Variants in AFF4 observed in about 807,000 individuals in gnomAD.
AFF4 encodes the protein AF4/FMR2 family member 4.
Under a neutral mutation model 124.8 loss-of-function variants are expected in AFF4, and 13 were observed. The ratio of observed to expected loss-of-function variants is 0.10; its 90% confidence interval spans 0.07 to 0.17. The LOEUF is 0.17. AFF4 is among the 10% of genes least tolerant of loss of function. The pLI is 1.00. For missense variants in AFF4, 1,092 were observed against 1,403.8 expected, an observed-to-expected ratio of 0.78 and a Z score of 3.55; for synonymous variants, 477 against 496.1, an observed-to-expected ratio of 0.96 and a Z score of 0.51.
At chr5:132,912,412 G>A (rs57550938) in intron 5 of AFF4, among the ~76,000 whole-genome samples, 17,310 of 152,110 alleles carry the variant, frequency 0.11, 1,258 homozygotes, top group South Asian at 0.19. Context: ...CCAGACTGGA[G>A]TGCAGTGGAG....
At chr5:132,927,382 T>TA (rs1761196075) in intron 4 of AFF4, 175 bp from the exon 5 acceptor site, 2 of 513,268 alleles carry the variant, frequency 3.9e-6, no homozygotes, top group Non-Finnish European at 6.8e-6. Flanking sequence ...GTGTAGGTAA[T>TA]AAGAAGATTA....
At chr5:132,888,767 G>A (rs1312177496) in intron 14 of AFF4, among the ~76,000 whole-genome samples, 1 of 151,310 alleles carries the variant, frequency 6.6e-6, no homozygotes, top group East Asian at 1.9e-4. Context: ...GCACAATCTC[G>A]GCTCACTGCA....
chr5:132,946,926 G>A lies in AFF4; in HGVS notation c.-4-9733C>T, dbSNP rs180776028. Among the ~76,000 whole-genome samples the A allele has an allele frequency of 5.3e-5, 8 of 152,156 alleles. No homozygotes were observed. The East Asian group carries it at 1.3e-3, about 26-fold the overall frequency. ...AACATTTTAGGTCAGGCGTGGTGGC[G>A]TGCTCCTGTAGTCCCAGCTACTTGG... On this transcript the variant is annotated intron_variant, in intron 1 of 20. Transcript: ENST00000265343.
intron 1 of AFF4, among the ~76,000 whole-genome samples, chr5:132,949,308 A>G (rs1214067763): frequency 2.0e-5 from 3 of 149,136 alleles, no homozygotes; most frequent in Non-Finnish European, 4.4e-5. Flanking sequence ...CAGCCTTCAG[A>G]GTAGCTGAGA....
At chr5:132,960,471 A>C (rs1762058024) in intron 1 of AFF4, among the ~76,000 whole-genome samples, 1 of 152,196 alleles carries the variant, frequency 6.6e-6, no homozygotes, top group Non-Finnish European at 1.5e-5. Flanking sequence ...CTCCATTCTA[A>C]ACCAGTGGAT....
At chr5:132,931,812 C>G (rs182292370) in intron 4 of AFF4, among the ~76,000 whole-genome samples, 1 of 151,944 alleles carries the variant, frequency 6.6e-6, no homozygotes, top group South Asian at 2.1e-4. Context: ...GGCATGATGG[C>G]GGGAGCCTGT....
intron 1 of AFF4, among the ~76,000 whole-genome samples, chr5:132,951,873 T>C (rs1260445925): frequency 6.6e-6 from 1 of 152,328 alleles, no homozygotes; most frequent in East Asian, 1.9e-4. Context: ...TATCTCTAAA[T>C]AAGAAACTGA....
chr5:132,929,074 T>G (rs906510323), intron 4 of AFF4, among the ~76,000 whole-genome samples: 4 of 152,148 alleles, frequency 2.6e-5, no homozygotes, highest in African/African-American at 9.7e-5. Context: ...AATATACATT[T>G]AGAGTGAATT....
chr5:132,911,161 A>G (rs1561491384), intron 5 of AFF4, among the ~76,000 whole-genome samples: 1 of 152,194 alleles, frequency 6.6e-6, no homozygotes, highest in Non-Finnish European at 1.5e-5. Context: ...CATTATAAAA[A>G]TAACAAAATA....
rs185290984 is a variant in AFF4 at position 132,889,314 on chromosome 5, T to C, written c.2638-141A>G. 4.6e-3 allele frequency: 2,663 copies of C among 584,164 alleles called. 13 individuals are homozygous for C. The highest frequency in any genetic ancestry group is 0.021 in the Middle Eastern group (44 of 2,092). The allele number at this position is 584,164 out of a possible 1,614,324, so 36.2% of individuals were successfully genotyped here. On this transcript the variant is annotated intron_variant, in intron 13 of 20. Transcript: ENST00000265343. ...GAATTTCCTTGTTACAAAACTTTTA[T>C]AAACTTCATAATGTAAACTTTAAAA...
At chr5:132,941,618 G>A (rs1761569967) in intron 1 of AFF4, among the ~76,000 whole-genome samples, 1 of 152,110 alleles carries the variant, frequency 6.6e-6, no homozygotes, top group Non-Finnish European at 1.5e-5. Flanking sequence ...TTACAGGTGT[G>A]AGCCACAGTG....
Position 132,897,100 on chromosome 5 carries a change from G to A in AFF4, c.1530C>T (p.Gly510=), listed in dbSNP as rs139523666. The A allele has an allele frequency of 2.0e-4, 318 of 1,614,172 alleles. No individual in the cohort carries two copies. The African/African-American group carries it at 3.9e-3, about 20-fold the overall frequency. ...QGYKKEGREQ[G]TGNSYTDTSG... ...TTGTATCAGTGTAGCTATTCCCAGT[G>A]CCCTGCTCTCGGCCTTCCTTTTTGT... The change falls in exon 11 of 21, where the codon GGC becomes GGT. Residue 510 remains glycine (G), a synonymous_variant. Transcript: ENST00000265343.
At position 132,879,669 on chromosome 5, in the gene AFF4, ATAAAG is replaced by A. The variant is rs1759924508; in HGVS notation, c.*1385_*1389del. 1 of 209,860 alleles carries A rather than the reference ATAAAG, an allele frequency of 4.8e-6. No homozygotes were observed. The highest frequency in any genetic ancestry group is 5.9e-5 in the Admixed American group (1 of 16,870). The allele number at this position is 209,860 out of a possible 1,614,324, so 13.0% of individuals were successfully genotyped here. On this transcript the variant is annotated 3_prime_UTR_variant, in exon 21 of 21. Coordinates refer to ENST00000265343, the MANE Select transcript of AFF4 (RefSeq NM_014423.4). ...ACCAAACATGATAGGGGCATGAAAA[ATAAAG>A]TATAGAGGGTACATTTCTTATCTTA...
At chr5:132,883,626 T>C (rs1354475538) in intron 19 of AFF4, 66 bp from the exon 20 acceptor site, 7 of 1,372,246 alleles carry the variant, frequency 5.1e-6, no homozygotes, top group Non-Finnish European at 7.1e-6. Context: ...CAAGTACTAC[T>C]AGCTCTTTCT....
At chr5:132,914,412 C>G (rs1234989818) in intron 5 of AFF4, among the ~76,000 whole-genome samples, 1 of 151,788 alleles carries the variant, frequency 6.6e-6, no homozygotes, top group African/African-American at 2.4e-5. Context: ...ACCAGCCTGA[C>G]CAACATGGTG....
chr5:132,928,823 T>C (rs1761238818), intron 4 of AFF4, among the ~76,000 whole-genome samples: 1 of 152,204 alleles, frequency 6.6e-6, no homozygotes, highest in South Asian at 2.1e-4. Context: ...GGGCACTTGA[T>C]ATATTACTAC....
At chr5:132,951,467 C>T (rs1407314769) in intron 1 of AFF4, among the ~76,000 whole-genome samples, 1 of 152,220 alleles carries the variant, frequency 6.6e-6, no homozygotes, top group African/African-American at 2.4e-5. Context: ...CAAGTATTCT[C>T]TCCCCCTGTA....
intron 5 of AFF4, among the ~76,000 whole-genome samples, chr5:132,922,796 A>C (rs1268778021): frequency 3.3e-5 from 5 of 151,102 alleles, no homozygotes; most frequent in Non-Finnish European, 5.9e-5. Flanking sequence ...AAAAAAAAAA[A>C]CCAAAAACTA....
intron 3 of AFF4, among the ~76,000 whole-genome samples, chr5:132,932,722 G>C (rs751761323): frequency 1.3e-5 from 2 of 152,088 alleles, no homozygotes; most frequent in African/African-American, 2.4e-5. Flanking sequence ...AGCATAAATG[G>C]GTTAAACAAG....
Sources: allele counts gnomAD v4.1 joint callset (sites outside exome capture counted in the v4.1 genomes callset), GRCh38; gene constraint gnomAD v4.1.1; transcripts MANE v1.5; gene names NCBI Gene and HGNC (gene_info 2026-07-23, HGNC 2026-07-21).